The following SEMA3A variants were observed in gnomAD, a reference collection of about 807,000 sequenced individuals.
SEMA3A encodes the protein semaphorin-3A.
A neutral mutation model predicts 97.9 loss-of-function variants in SEMA3A; 29 were observed. The ratio of observed to expected loss-of-function variants is 0.30; its 90% CI spans 0.22 to 0.40. The LOEUF is 0.40. Among genes scored for constraint, SEMA3A ranks in the 10% least tolerant of loss-of-function variants. The probability of loss-of-function intolerance (pLI) is 1.00; values close to 1 mark genes in which losing one functional copy is unlikely to be tolerated. For missense variants in SEMA3A, 763 were observed against 951.3 expected (o/e 0.80, Z 2.60); for synonymous variants, 321 against 323.7 (o/e 0.99, Z 0.09).
intron 1 of SEMA3A, among the ~76,000 whole-genome samples, chr7:84,463,143 C>T (rs2116392064): frequency 6.6e-6 from 1 of 151,828 alleles, no homozygotes; most frequent in African/African-American, 2.4e-5. Flanking sequence ...CTTTCCTCAG[C>T]ACTCAGAATC....
intron 2 of SEMA3A, among the ~76,000 whole-genome samples, chr7:84,134,469 A>AC: frequency 6.6e-6 from 1 of 152,248 alleles, no homozygotes; most frequent in East Asian, 1.9e-4. Flanking sequence ...CTACACACAT[A>AC]TAAATAGTTC....
chr7:83,973,719 TAAG>T lies in SEMA3A; in HGVS notation c.1717+3410_1717+3412del, dbSNP rs146684153. ...TGAGATGGACAGTTATGGAGATAAT[TAAG>T]AAGATTGGATTCTGTGGACATATTA... On this transcript the variant is annotated intron_variant, in intron 15 of 16. Transcript: ENST00000265362. Among the ~76,000 whole-genome samples, 69 of 152,270 alleles carry T rather than the reference TAAG, an allele frequency of 4.5e-4. 1 individual carries two copies. Among genetic ancestry groups the T allele is most frequent in the African/African-American group, 1.6e-3 (67 of 41,572 alleles).
chr7:84,169,687 T>C (rs758062481), intron 1 of SEMA3A, among the ~76,000 whole-genome samples: 11 of 151,564 alleles, frequency 7.3e-5, no homozygotes, highest in Non-Finnish European at 1.6e-4. Context: ...TCACCATAGA[T>C]AGTCTACAAT....
At chr7:84,112,378 T>C (rs955625543) in intron 3 of SEMA3A, among the ~76,000 whole-genome samples, 15 of 152,178 alleles carry the variant, frequency 9.9e-5, no homozygotes, top group Non-Finnish European at 1.9e-4. Context: ...TTTTTCATTC[T>C]AGAAAAGAAC....
intron 15 of SEMA3A, among the ~76,000 whole-genome samples, chr7:83,974,908 C>CAAA (rs1584494523): frequency 1.3e-5 from 2 of 152,086 alleles, no homozygotes; most frequent in African/African-American, 4.8e-5. Context: ...AACCCTCCCC[C>CAAA]AAAAGACCCT....
chr7:84,181,154 G>A (rs1298037026), intron 1 of SEMA3A, among the ~76,000 whole-genome samples: 2 of 151,560 alleles, frequency 1.3e-5, no homozygotes, highest in Non-Finnish European at 2.9e-5. Context: ...TTGTATATGT[G>A]TGTATGTTGT....
chr7:84,299,368 CTATATATA>C (rs375424685), intron 3 of SEMA3A, among the ~76,000 whole-genome samples: 2 of 133,142 alleles, frequency 1.5e-5, no homozygotes, highest in Non-Finnish European at 1.6e-5. Flanking sequence ...CTCTCTCCCT[CTATATATA>C]TATATATATA....
intron 3 of SEMA3A, among the ~76,000 whole-genome samples, chr7:84,210,952 T>C (rs543974932): frequency 6.6e-6 from 1 of 152,306 alleles, no homozygotes; most frequent in Admixed American, 6.5e-5. Context: ...ATATTTTTAC[T>C]GAAACAGTGT....
intron 4 of SEMA3A, among the ~76,000 whole-genome samples, chr7:84,091,322 AAGAG>A (rs568558910): frequency 7.3e-6 from 1 of 137,246 alleles, no homozygotes; most frequent in African/African-American, 2.5e-5. Context: ...GGAAGGAAGG[AAGAG>A]AGAGAGAGAA....
rs150704527 is a variant in SEMA3A, at chr7:84,243,003, C to T, written c.-82-48335G>A. Among the ~76,000 whole-genome samples the T allele has an allele frequency of 6.1e-3, 931 of 152,128 alleles. 43 individuals carry two copies. In the East Asian group the frequency reaches 0.12, roughly 19 times the overall value. On this transcript the variant is annotated intron_variant, in intron 3 of 3. Transcript: ENST00000424555. ...CAGGCTTGCATCCCAGGGATGAAGC[C>T]GACTTGATGTGGTGAATAAGCTTTT...
intron 1 of SEMA3A, among the ~76,000 whole-genome samples, chr7:84,421,769 G>A (rs1375892248): frequency 1.3e-5 from 2 of 152,038 alleles, no homozygotes; most frequent in African/African-American, 2.4e-5. Flanking sequence ...CATCTATTCA[G>A]ATAATCATGT....
At chr7:84,374,588 A>G (rs1803053493) in intron 1 of SEMA3A, among the ~76,000 whole-genome samples, 1 of 152,344 alleles carries the variant, frequency 6.6e-6, no homozygotes, top group South Asian at 2.1e-4. Context: ...AGTGATCTGC[A>G]TCTATAGTTA....
intron 1 of SEMA3A, among the ~76,000 whole-genome samples, chr7:84,486,593 A>T (rs1806579146): frequency 6.6e-6 from 1 of 152,158 alleles, no homozygotes; most frequent in Non-Finnish European, 1.5e-5. Context: ...TGCAAAGTTT[A>T]TTCACGAGTA....
chr7:84,117,526 C>T (rs73175252), intron 3 of SEMA3A, among the ~76,000 whole-genome samples: 3,966 of 152,274 alleles, frequency 0.026, 78 homozygotes, highest in Non-Finnish European at 0.042. Flanking sequence ...CCAGCACTAC[C>T]GCCTGAGCTC....
chr7:83,983,803 T>A (rs1427088200), intron 13 of SEMA3A, among the ~76,000 whole-genome samples: 1 of 152,142 alleles, frequency 6.6e-6, no homozygotes, highest in Non-Finnish European at 1.5e-5. Flanking sequence ...CAATTTAACA[T>A]CACCACAGGC....
chr7:84,209,089 A>G (rs747948447), intron 3 of SEMA3A, among the ~76,000 whole-genome samples: 21 of 152,230 alleles, frequency 1.4e-4, no homozygotes, highest in Non-Finnish European at 2.6e-4. Context: ...TATTTCATGT[A>G]TGCTATGGAA....
At chr7:84,091,527 GATAA>G (rs892332101) in intron 4 of SEMA3A, among the ~76,000 whole-genome samples, 1 of 152,132 alleles carries the variant, frequency 6.6e-6, no homozygotes, top group African/African-American at 2.4e-5. Context: ...GATTTAGAAT[GATAA>G]ATATTTACTG....
intron 3 of SEMA3A, among the ~76,000 whole-genome samples, chr7:84,264,569 A>G (rs1361237501): frequency 6.6e-6 from 1 of 152,200 alleles, no homozygotes; most frequent in Non-Finnish European, 1.5e-5. Context: ...GATGAAATGC[A>G]TTCATGTATG....
intron 9 of SEMA3A, among the ~76,000 whole-genome samples, chr7:84,008,717 C>T (rs905093141): frequency 3.9e-5 from 6 of 152,140 alleles, no homozygotes; most frequent in African/African-American, 1.4e-4. Context: ...TGCATATAGA[C>T]AGCGATTCAT....
Sources: allele counts gnomAD v4.1 joint callset (sites outside exome capture counted in the v4.1 genomes callset), GRCh38; gene constraint gnomAD v4.1.1; transcripts MANE v1.5; gene names NCBI Gene and HGNC (gene_info 2026-07-23, HGNC 2026-07-21).